Variants in AP4E1 observed in about 807,000 individuals in gnomAD.
The protein encoded by AP4E1 is adaptor related protein complex 4 subunit epsilon 1.
AP4E1 carries 56 observed loss-of-function variants against 128.2 expected under a neutral mutation model. The ratio of observed to expected loss-of-function variants is 0.44; its 90% CI spans 0.35 to 0.55. The LOEUF (loss-of-function observed/expected upper bound fraction) is 0.55, where lower values mean the gene tolerates loss of function less well. Among genes scored for constraint, AP4E1 ranks in the 20% least tolerant of loss-of-function variants. AP4E1 has a pLI of 0.00. For missense variants in AP4E1, 1,324 were observed against 1,307.7 expected (o/e 1.01, Z -0.19); for synonymous variants, 484 against 473.1 (o/e 1.02, Z -0.30).
intron 1 of AP4E1, among the ~76,000 whole-genome samples, chr15:50,910,066 A>G (rs886199662): frequency 1.1e-4 from 17 of 152,136 alleles, no homozygotes; most frequent in Admixed American, 4.6e-4. Context: ...GGCTCACTGG[A>G]GCGTCTGCCT....
rs941661593 is a variant in AP4E1 at position 50,953,062 on chromosome 15, G to A, written c.1548+2893G>A. 2.0e-5 allele frequency among the ~76,000 whole-genome samples: 3 copies of A among 151,638 alleles called. No individual in the cohort carries two copies. The South Asian group carries it at 6.2e-4, about 32-fold the overall frequency. ...TGAGACCTAGTCTCTACCAAAGGGAGAAAAAAAAGATGGTGACCTCCAGAT... is the reference window on the plus strand; with the variant it reads ...TGAGACCTAGTCTCTACCAAAGGGAAAAAAAAAAGATGGTGACCTCCAGAT... On this transcript the variant is annotated intron_variant, in intron 13 of 20. Transcript: ENST00000261842.
intron 2 of AP4E1, 78 bp from the exon 3 acceptor site, chr15:50,915,370 T>C: frequency 2.7e-6 from 4 of 1,464,346 alleles, no homozygotes; most frequent in Non-Finnish European, 3.8e-6. Flanking sequence ...GGATTCTCCT[T>C]TTAAATTATG....
intron 14 of AP4E1, among the ~76,000 whole-genome samples, chr15:50,962,991 CAA>C (rs763837140): frequency 8.1e-4 from 108 of 132,708 alleles, no homozygotes; most frequent in African/African-American, 2.9e-3. Context: ...AACAGGTAAA[CAA>C]AAAAATGCTC....
At chr15:50,988,203 C>G (rs2064755119) in intron 16 of AP4E1, among the ~76,000 whole-genome samples, 1 of 152,038 alleles carries the variant, frequency 6.6e-6, no homozygotes. Context: ...TCTGATAAAC[C>G]CATTATAAAT....
At position 50,949,855 on chromosome 15, in the gene AP4E1, A is replaced by C. The variant is rs1232505421; in HGVS notation, c.1346A>C (p.Gln449Pro). 1.2e-6 allele frequency: 2 copies of C among 1,613,658 alleles called. No homozygotes were observed. The highest frequency in any genetic ancestry group is 1.3e-5 in the African/African-American group (1 of 74,936). ...GCTCCTGATAATGCATGGTTTATTC[A>C]GACAATGAATGCTGTGTTTTCAGTA... Reference protein sequence around the residue: ...KYAPDNAWFIQTMNAVFSVGG... With the variant: ...KYAPDNAWFIPTMNAVFSVGG... Residue 449 changes from glutamine (Q) to proline (P), a missense_variant, in exon 12 of 21, where the codon CAG becomes CCG. Gln to Pro is a moderately conservative substitution (Grantham distance 76). Coordinates refer to ENST00000261842, the MANE Select transcript of AP4E1 (RefSeq NM_007347.5).
chr15:50,915,400 C>T (rs2063617735), intron 2 of AP4E1, 48 bp from the exon 3 acceptor site: 1 of 1,576,694 alleles, frequency 6.3e-7, no homozygotes, highest in Admixed American at 1.7e-5. Flanking sequence ...TTAAAACAAT[C>T]TAAATATTCT....
intron 15 of AP4E1, among the ~76,000 whole-genome samples, chr15:50,972,463 C>T (rs56273151): frequency 0.018 from 2,806 of 152,238 alleles, 103 homozygotes; most frequent in African/African-American, 0.064. Context: ...CCACCCACCT[C>T]AGCCTCCCAA....
At chr15:50,917,476 A>G (rs1054565343) in intron 3 of AP4E1, among the ~76,000 whole-genome samples, 1 of 152,194 alleles carries the variant, frequency 6.6e-6, no homozygotes, top group Non-Finnish European at 1.5e-5. Context: ...AGCTTACAGC[A>G]ATTGAGATAA....
chr15:50,972,007 A>G (rs1181946994), intron 15 of AP4E1, among the ~76,000 whole-genome samples: 2 of 151,994 alleles, frequency 1.3e-5, no homozygotes, highest in Admixed American at 6.6e-5. Context: ...TGGTAGTGAC[A>G]TGTTTCTTTT....
At chr15:50,928,975 A>G in intron 5 of AP4E1, 34 bp from the exon 6 acceptor site, 3 of 1,608,398 alleles carry the variant, frequency 1.9e-6, no homozygotes, top group Non-Finnish European at 2.6e-6. Flanking sequence ...GAGAATTCAG[A>G]TTGTCTTGTT....
At chr15:50,928,104 G>T (rs2063789763) in intron 5 of AP4E1, among the ~76,000 whole-genome samples, 1 of 152,112 alleles carries the variant, frequency 6.6e-6, no homozygotes, top group South Asian at 2.1e-4. Context: ...ATTATCATGA[G>T]GTTTTGAAAC....
rs377566754 is a variant in AP4E1, at chr15:50,956,965, G to A, written c.1549-1527G>A. Among the ~76,000 whole-genome samples the A allele has an allele frequency of 3.3e-5, 5 of 152,282 alleles. No homozygotes were observed. The East Asian group carries it at 5.8e-4, about 18-fold the overall frequency. ...GCGGGTGCAGGAGCCAGAGTGAGTC[G>A]CTTTTGGGCTCTGGCAGGAGCAAAA... On this transcript the variant is annotated intron_variant, in intron 13 of 20. Coordinates refer to ENST00000261842, the MANE Select transcript of AP4E1 (RefSeq NM_007347.5).
chr15:50,932,520 A>G (rs2063848822), intron 7 of AP4E1, among the ~76,000 whole-genome samples: 1 of 152,218 alleles, frequency 6.6e-6, no homozygotes, highest in Non-Finnish European at 1.5e-5. Context: ...CTTGAGAGCA[A>G]GGACCTTGGC....
chr15:50,983,782 G>A (rs919769509), intron 15 of AP4E1, among the ~76,000 whole-genome samples: 1 of 152,038 alleles, frequency 6.6e-6, no homozygotes, highest in African/African-American at 2.4e-5. Flanking sequence ...AGGTAAAAAG[G>A]TAAAAATAAA....
At chr15:50,987,059 T>G (rs1472090930) in intron 16 of AP4E1, among the ~76,000 whole-genome samples, 4 of 152,232 alleles carry the variant, frequency 2.6e-5, no homozygotes, top group Non-Finnish European at 4.4e-5. Context: ...GTCCAGGAAT[T>G]TATCCATTTC....
chr15:50,949,978 A>G (rs751083349), intron 12 of AP4E1, 40 bp downstream of exon 12: 2 of 1,589,088 alleles, frequency 1.3e-6, no homozygotes, highest in Non-Finnish European at 1.7e-6. Flanking sequence ...AACATTTTAA[A>G]GTTTAATGTT....
At chr15:50,909,364 C>G (rs902785490) in intron 1 of AP4E1, among the ~76,000 whole-genome samples, 2 of 152,146 alleles carry the variant, frequency 1.3e-5, no homozygotes, top group Non-Finnish European at 2.9e-5. Context: ...TTCCTTCTCT[C>G]CCCCGGTGCC....
intron 8 of AP4E1, among the ~76,000 whole-genome samples, chr15:50,936,801 G>T (rs2063913430): frequency 6.6e-6 from 1 of 152,106 alleles, no homozygotes; most frequent in Admixed American, 6.5e-5. Context: ...GGGCATGGTG[G>T]CGTGTTCCTG....
intron 17 of AP4E1, among the ~76,000 whole-genome samples, chr15:50,995,808 CAG>C (rs2064861108): frequency 1.3e-5 from 2 of 149,928 alleles, no homozygotes; most frequent in African/African-American, 4.9e-5. Flanking sequence ...TGAATAATAA[CAG>C]ATTGACAATG....
Sources: gnomAD v4.1 joint callset for allele counts (sites outside exome capture counted in the v4.1 genomes callset) on GRCh38, gnomAD v4.1.1 for gene constraint, MANE v1.5 for transcripts, NCBI Gene and HGNC (gene_info 2026-07-23, HGNC 2026-07-21) for gene names.